Variants in SLC35F1 observed in about 807,000 individuals in gnomAD.
The protein encoded by SLC35F1 is solute carrier family 35 member F1.
In SLC35F1, 14 loss-of-function variants were observed where a neutral mutation model predicts 48.7. The observed-to-expected ratio is 0.29, with a 90% CI of 0.19 to 0.45. SLC35F1 has a LOEUF of 0.45. SLC35F1 is among the 20% of genes least tolerant of loss of function. SLC35F1 has a pLI of 1.00. For synonymous variants in SLC35F1, 190 were observed against 202.2 expected, an observed-to-expected ratio of 0.94 and a Z score of 0.51; for missense variants, 404 against 500.0, an observed-to-expected ratio of 0.81 and a Z score of 1.83.
intron 1 of SLC35F1, among the ~76,000 whole-genome samples, chr6:118,024,948 T>C (rs1373168401): frequency 6.6e-6 from 1 of 152,158 alleles, no homozygotes; most frequent in Non-Finnish European, 1.5e-5. Context: ...AATAAGACTT[T>C]TATTTTAGAT....
intron 2 of SLC35F1, among the ~76,000 whole-genome samples, chr6:118,185,138 T>G (rs1302142507): frequency 6.6e-6 from 1 of 152,182 alleles, no homozygotes; most frequent in Non-Finnish European, 1.5e-5. Context: ...GCCAGTATCT[T>G]CACTGCTCTG....
chr6:118,084,328 C>T (rs1429939385), intron 1 of SLC35F1, among the ~76,000 whole-genome samples: 1 of 151,992 alleles, frequency 6.6e-6, no homozygotes, highest in Non-Finnish European at 1.5e-5. Context: ...ATCCGATTGT[C>T]TTTCATATCA....
intron 2 of SLC35F1, among the ~76,000 whole-genome samples, chr6:118,167,164 C>A (rs543429459): frequency 6.6e-6 from 1 of 152,082 alleles, no homozygotes; most frequent in Non-Finnish European, 1.5e-5. Flanking sequence ...TCTCCCTTCT[C>A]CTACCCCCTC....
chr6:117,967,523 T>C (rs1215520445), intron 1 of SLC35F1, among the ~76,000 whole-genome samples: 1 of 152,190 alleles, frequency 6.6e-6, no homozygotes, highest in Non-Finnish European at 1.5e-5. Context: ...TGGGGGTTTC[T>C]TAACACTTCA....
At chr6:118,255,230 C>G (rs757176288) in intron 3 of SLC35F1, among the ~76,000 whole-genome samples, 1 of 152,128 alleles carries the variant, frequency 6.6e-6, no homozygotes, top group Non-Finnish European at 1.5e-5. Flanking sequence ...CAGGTGACTT[C>G]AAGAAAGTTA....
chr6:118,013,037 A>G (rs1315766640), intron 1 of SLC35F1, among the ~76,000 whole-genome samples: 3 of 152,112 alleles, frequency 2.0e-5, no homozygotes, highest in Non-Finnish European at 4.4e-5. Context: ...CAGCACTTAA[A>G]TATTAATAGC....
At chr6:118,042,606 T>G (rs1340753043) in intron 1 of SLC35F1, among the ~76,000 whole-genome samples, 2 of 152,152 alleles carry the variant, frequency 1.3e-5, no homozygotes. Context: ...GAGTTTGGAC[T>G]TGATAGGTTA....
chr6:118,249,977 A>G (rs1755494710), intron 3 of SLC35F1, among the ~76,000 whole-genome samples: 1 of 152,206 alleles, frequency 6.6e-6, no homozygotes, highest in South Asian at 2.1e-4. Flanking sequence ...CATCTCAATA[A>G]GTAGATTTAT....
At chr6:118,299,457 T>C (rs1562355427) in intron 7 of SLC35F1, among the ~76,000 whole-genome samples, 1 of 152,124 alleles carries the variant, frequency 6.6e-6, no homozygotes, top group Non-Finnish European at 1.5e-5. Context: ...GTTTTAATAA[T>C]GTTTTAAAAT....
intron 1 of SLC35F1, among the ~76,000 whole-genome samples, chr6:118,069,495 A>G (rs905038708): frequency 6.6e-6 from 1 of 152,134 alleles, no homozygotes; most frequent in Admixed American, 6.6e-5. Context: ...TCAGGCCCCT[A>G]AAGATAAGAT....
chr6:117,947,027 A>G (rs747561351), intron 1 of SLC35F1, among the ~76,000 whole-genome samples: 1 of 152,192 alleles, frequency 6.6e-6, no homozygotes, highest in Non-Finnish European at 1.5e-5. Flanking sequence ...AGACAATAAT[A>G]AGGTATGTAT....
intron 1 of SLC35F1, among the ~76,000 whole-genome samples, chr6:118,050,864 T>G (rs1772378347): frequency 6.6e-6 from 1 of 152,120 alleles, no homozygotes; most frequent in South Asian, 2.1e-4. Context: ...TGACCTTGAC[T>G]GGACAGATGG....
At chr6:117,993,363 C>A (rs1004286647) in intron 1 of SLC35F1, among the ~76,000 whole-genome samples, 1 of 152,098 alleles carries the variant, frequency 6.6e-6, no homozygotes, top group African/African-American at 2.4e-5. Context: ...AAATTATAGT[C>A]ATTCCTTTAG....
intron 1 of SLC35F1, among the ~76,000 whole-genome samples, chr6:118,059,702 T>G (rs1042699280): frequency 6.6e-6 from 1 of 152,176 alleles, no homozygotes; most frequent in Non-Finnish European, 1.5e-5. Flanking sequence ...TGTGCTGGTT[T>G]TAAAAGCTGG....
chr6:118,246,157 T>C (rs1775504986), intron 3 of SLC35F1, among the ~76,000 whole-genome samples: 1 of 152,188 alleles, frequency 6.6e-6, no homozygotes, highest in African/African-American at 2.4e-5. Context: ...GTATGGATTA[T>C]TGATATGTTG....
At chr6:118,022,546 AGAGGCAGAGCTCTCACCT>A (rs141918043) in intron 1 of SLC35F1, among the ~76,000 whole-genome samples, 12,644 of 151,806 alleles carry the variant, frequency 0.083, 1,117 homozygotes, top group African/African-American at 0.23. Flanking sequence ...AGGCCTGCAG[AGAGGCAGAGCTCTCACCT>A]GAGGCAGAGC....
intron 1 of SLC35F1, among the ~76,000 whole-genome samples, chr6:117,982,826 A>C (rs999946998): frequency 1.3e-5 from 2 of 152,224 alleles, no homozygotes; most frequent in African/African-American, 2.4e-5. Flanking sequence ...ACTGAAACAA[A>C]AAAACGTAGT....
chr6:118,278,332 T>C (rs1425992229), intron 6 of SLC35F1, among the ~76,000 whole-genome samples: 1 of 152,204 alleles, frequency 6.6e-6, no homozygotes, highest in African/African-American at 2.4e-5. Context: ...GGCTACAGAC[T>C]CTTCCCCACA....
intron 1 of SLC35F1, among the ~76,000 whole-genome samples, chr6:117,917,802 G>A (rs559348179): frequency 1.6e-5 from 2 of 126,008 alleles, no homozygotes; most frequent in South Asian, 2.4e-4. Context: ...TTTGGATTTG[G>A]GGATCATGAG....
Sources: gnomAD v4.1 joint callset for allele counts (sites outside exome capture counted in the v4.1 genomes callset) on GRCh38, gnomAD v4.1.1 for gene constraint, MANE v1.5 for transcripts, NCBI Gene and HGNC (gene_info 2026-07-23, HGNC 2026-07-21) for gene names.